Variants in SCFD2 observed in about 807,000 individuals in gnomAD.
SCFD2 encodes the protein sec1 family domain-containing protein 2.
SCFD2 carries 54 observed loss-of-function variants against 58.9 expected under a neutral mutation model. That is an observed-to-expected ratio of 0.92 (90% CI 0.74 to 1.15). The LOEUF is 1.15. SCFD2 is among the 50% of genes most tolerant of loss of function. The pLI is 0.00. For missense variants in SCFD2, 805 were observed against 836.6 expected, an observed-to-expected ratio of 0.96 and a Z score of 0.47; for synonymous variants, 321 against 335.9, an observed-to-expected ratio of 0.96 and a Z score of 0.49.
chr4:53,289,562 G>A (rs1731773713), intron 3 of SCFD2, among the ~76,000 whole-genome samples: 1 of 151,774 alleles, frequency 6.6e-6, no homozygotes, highest in Non-Finnish European at 1.5e-5. Context: ...GAGAAGAGAG[G>A]AAAAAATGAT....
chr4:53,169,612 C>G (rs1383459165), intron 4 of SCFD2, among the ~76,000 whole-genome samples: 2 of 151,974 alleles, frequency 1.3e-5, no homozygotes, highest in East Asian at 2.0e-4. Context: ...TTTTAAGGAG[C>G]CTTTGTATAG....
intron 5 of SCFD2, among the ~76,000 whole-genome samples, chr4:53,075,331 C>G (rs530039838): frequency 6.6e-6 from 1 of 152,298 alleles, no homozygotes; most frequent in African/African-American, 2.4e-5. Flanking sequence ...ATTTTCTATC[C>G]AGACCACTCA....
At chr4:53,236,218 A>G (rs959421565) in intron 4 of SCFD2, among the ~76,000 whole-genome samples, 2 of 152,058 alleles carry the variant, frequency 1.3e-5, no homozygotes, top group African/African-American at 4.8e-5. Context: ...CTCTCAGCCT[A>G]CATCTTTCTC....
intron 4 of SCFD2, among the ~76,000 whole-genome samples, chr4:53,201,733 G>A (rs1414603977): frequency 2.0e-5 from 3 of 152,236 alleles, no homozygotes; most frequent in African/African-American, 4.8e-5. Context: ...GGTGGGAGAT[G>A]GTATCTCATT....
chr4:52,891,063 G>T (rs547824262), intron 7 of SCFD2, among the ~76,000 whole-genome samples: 2 of 152,200 alleles, frequency 1.3e-5, no homozygotes, highest in South Asian at 2.1e-4. Context: ...GCCTTAAGGG[G>T]TACTAAGCCT....
At position 53,345,655 on chromosome 4, in the gene SCFD2, T is replaced by C. The variant is rs191517414; in HGVS notation, c.1007+6943A>G. ...ATAAAGACACACGCACATGTATGTT[T>C]ATTGTGGCACTATTTACAATAGCAA... On this transcript the variant is annotated intron_variant, in intron 2 of 8. Transcript: ENST00000401642. 1.3e-3 allele frequency among the ~76,000 whole-genome samples: 198 copies of C among 152,008 alleles called. 1 individual carries two copies. The highest frequency in any genetic ancestry group is 4.8e-3 in the African/African-American group (197 of 41,252).
chr4:53,035,373 T>A (rs1392462929), intron 5 of SCFD2, among the ~76,000 whole-genome samples: 1 of 152,148 alleles, frequency 6.6e-6, no homozygotes. Context: ...ATAAAAATCC[T>A]AGGAGAAAAC....
intron 5 of SCFD2, among the ~76,000 whole-genome samples, chr4:52,969,523 T>A (rs886220761): frequency 6.6e-6 from 1 of 152,204 alleles, no homozygotes; most frequent in Admixed American, 6.5e-5. Flanking sequence ...GTTCAGTCCC[T>A]GGAAGTTGGC....
At chr4:53,088,963 T>C (rs1724391117) in intron 5 of SCFD2, among the ~76,000 whole-genome samples, 1 of 152,166 alleles carries the variant, frequency 6.6e-6, no homozygotes, top group African/African-American at 2.4e-5. Flanking sequence ...TCCTTATGAA[T>C]GGAATTAGTG....
At chr4:53,191,722 C>A (rs1727898316) in intron 4 of SCFD2, among the ~76,000 whole-genome samples, 1 of 152,112 alleles carries the variant, frequency 6.6e-6, no homozygotes, top group Non-Finnish European at 1.5e-5. Flanking sequence ...TGTTCTCTTA[C>A]AGAAATTAAA....
At chr4:53,251,055 C>A (rs556417928) in intron 4 of SCFD2, among the ~76,000 whole-genome samples, 2 of 152,106 alleles carry the variant, frequency 1.3e-5, no homozygotes, top group African/African-American at 4.8e-5. Flanking sequence ...GGGGATATCA[C>A]CACCGATCCC....
chr4:52,972,622 A>C (rs965850432), intron 5 of SCFD2, among the ~76,000 whole-genome samples: 12 of 152,286 alleles, frequency 7.9e-5, no homozygotes, highest in South Asian at 2.1e-4. Flanking sequence ...ACAGAAAATT[A>C]ACAAGGATAT....
chr4:52,913,173 G>A (rs1719525003), intron 6 of SCFD2, among the ~76,000 whole-genome samples: 1 of 152,066 alleles, frequency 6.6e-6, no homozygotes, highest in Non-Finnish European at 1.5e-5. Context: ...AATCATTCAG[G>A]GACCCAGGTT....
chr4:52,890,001 T>G (rs1239712331), intron 7 of SCFD2, among the ~76,000 whole-genome samples: 2 of 152,258 alleles, frequency 1.3e-5, no homozygotes, highest in African/African-American at 4.8e-5. Context: ...AATAGTCATA[T>G]GAAGGAATGA....
rs1357678757 is a variant in SCFD2, at chr4:53,075,257, T to C, written c.1561+70076A>G. 1.1e-4 allele frequency among the ~76,000 whole-genome samples: 16 copies of C among 152,226 alleles called. 1 individual carries two copies. Among genetic ancestry groups the C allele is most frequent in the Admixed American group, 1.0e-3 (16 of 15,278 alleles). ...TTCACCTCTCTCAGCCTTGATAGAA[T>C]TGAAAATATTTAGGGCTTGCTCTGG... On this transcript the variant is annotated intron_variant, in intron 5 of 8. Coordinates refer to ENST00000401642, the MANE Select transcript of SCFD2 (RefSeq NM_152540.4).
chr4:53,172,878 G>A (rs1244634986), intron 4 of SCFD2, among the ~76,000 whole-genome samples: 3 of 152,174 alleles, frequency 2.0e-5, no homozygotes, highest in South Asian at 2.1e-4. Context: ...TGTAGTTCAA[G>A]ACCAATGTTT....
chr4:52,990,868 C>T (rs753372952), intron 5 of SCFD2, among the ~76,000 whole-genome samples: 1 of 152,208 alleles, frequency 6.6e-6, no homozygotes, highest in Non-Finnish European at 1.5e-5. Context: ...AACTCTTACG[C>T]ATCAGTTTTA....
chr4:53,299,644 G>A lies in SCFD2; in HGVS notation c.1135+13992C>T, dbSNP rs1732196015. Among the ~76,000 whole-genome samples, 3 of 152,030 alleles carry A rather than the reference G, an allele frequency of 2.0e-5. No homozygotes were observed. The South Asian group carries it at 6.2e-4, about 32-fold the overall frequency. The stretch of plus-strand genomic sequence containing the variant: ...AAGAGCAACTCCAAGACACATAATT[G>A]TCAGATTCACCAAAGTTGAAATGAA... On this transcript the variant is annotated intron_variant, in intron 3 of 8. Coordinates refer to ENST00000401642, the MANE Select transcript of SCFD2 (RefSeq NM_152540.4).
chr4:53,165,402 T>A (rs528122387), intron 4 of SCFD2, among the ~76,000 whole-genome samples: 12 of 152,322 alleles, frequency 7.9e-5, no homozygotes, highest in African/African-American at 2.6e-4. Flanking sequence ...CCTGATTTTT[T>A]AAAAAAGAAT....
Sources: allele counts gnomAD v4.1 joint callset (sites outside exome capture counted in the v4.1 genomes callset), GRCh38; gene constraint gnomAD v4.1.1; transcripts MANE v1.5; gene names NCBI Gene and HGNC (gene_info 2026-07-23, HGNC 2026-07-21).